The following NMNAT2 variants were observed in gnomAD, a reference collection of about 807,000 sequenced individuals.
The protein encoded by NMNAT2 is nicotinamide nucleotide adenylyltransferase 2.
A neutral mutation model predicts 41.6 loss-of-function variants in NMNAT2; 11 were observed. That is an observed-to-expected ratio of 0.26 (90% CI 0.17 to 0.44). NMNAT2 has a LOEUF of 0.44. Among genes scored for constraint, NMNAT2 ranks in the 20% least tolerant of loss-of-function variants. The pLI, the probability that NMNAT2 is intolerant of heterozygous loss-of-function variation, is 1.00. For synonymous variants in NMNAT2, 148 were observed against 151.2 expected, an observed-to-expected ratio of 0.98 and a Z score of 0.16; for missense variants, 288 against 407.7, an observed-to-expected ratio of 0.71 and a Z score of 2.53.
At chr1:183,286,252 T>TATC (rs980171415) in intron 5 of NMNAT2, among the ~76,000 whole-genome samples, 4 of 151,374 alleles carry the variant, frequency 2.6e-5, no homozygotes, top group African/African-American at 9.7e-5. Flanking sequence ...TTGTTATTGT[T>TATC]ATTATTATTA....
chr1:183,394,858 G>A (rs181144308), intron 1 of NMNAT2, among the ~76,000 whole-genome samples: 5 of 152,340 alleles, frequency 3.3e-5, no homozygotes, highest in Admixed American at 2.6e-4. Context: ...AAAGAGAGGA[G>A]CAAACTGTCC....
rs149641219 is a variant in NMNAT2, at chr1:183,392,000, A to G, written c.85+26183T>C. 3.4e-3 allele frequency among the ~76,000 whole-genome samples: 514 copies of G among 151,612 alleles called. 4 individuals carry two copies. The highest frequency in any genetic ancestry group is 0.012 in the African/African-American group (491 of 41,276). Reference sequence around the variant, plus strand: ...CCTTGACCTCTTCTCCAATGCATTCACTCCCTTGGTATTCTCAGCCAGTCC... The same window carrying G: ...CCTTGACCTCTTCTCCAATGCATTCGCTCCCTTGGTATTCTCAGCCAGTCC... On this transcript the variant is annotated intron_variant, in intron 1 of 10. Transcript: ENST00000287713.
intron 1 of NMNAT2, among the ~76,000 whole-genome samples, chr1:183,356,615 T>C (rs1475814508): frequency 6.6e-6 from 1 of 152,214 alleles, no homozygotes; most frequent in Non-Finnish European, 1.5e-5. Flanking sequence ...AGTAACGTCA[T>C]GCCAGGGACA....
intron 1 of NMNAT2, among the ~76,000 whole-genome samples, chr1:183,389,838 A>G (rs531685365): frequency 4.3e-5 from 3 of 70,370 alleles, no homozygotes; most frequent in African/African-American, 1.3e-4. Flanking sequence ...GAAAGAAAGA[A>G]AGAAAGGAAA....
At position 183,335,699 on chromosome 1, in the gene NMNAT2, T is replaced by C. The variant is rs558771228; in HGVS notation, c.86-41906A>G. ...TGTGCTGCCACATTGCGCATACTCCTTTTTGCAGTTATCCCTGTGTACTTC... is the reference window on the plus strand; with the variant it reads ...TGTGCTGCCACATTGCGCATACTCCCTTTTGCAGTTATCCCTGTGTACTTC... On this transcript the variant is annotated intron_variant, in intron 1 of 10. Coordinates refer to ENST00000287713, the MANE Select transcript of NMNAT2 (RefSeq NM_015039.4). 5.2e-5 allele frequency among the ~76,000 whole-genome samples: 8 copies of C among 152,382 alleles called. No individual in the cohort carries two copies. The East Asian group carries it at 1.5e-3, about 29-fold the overall frequency.
intron 1 of NMNAT2, among the ~76,000 whole-genome samples, chr1:183,352,309 A>G (rs772203494): frequency 1.3e-5 from 2 of 152,166 alleles, no homozygotes; most frequent in Non-Finnish European, 2.9e-5. Flanking sequence ...CACACCCATA[A>G]TCCCAGCACT....
At position 183,338,595 on chromosome 1, in the gene NMNAT2, T is replaced by C. The variant is rs76226114; in HGVS notation, c.86-44802A>G. Among the ~76,000 whole-genome samples, 174 of 152,340 alleles carry C rather than the reference T, an allele frequency of 1.1e-3. 2 individuals carry two copies. The East Asian group carries it at 0.027, about 24-fold the overall frequency. On this transcript the variant is annotated intron_variant, in intron 1 of 10. Transcript: ENST00000287713. The stretch of plus-strand genomic sequence containing the variant: ...GTTTGAGAAACTGTTTTGTCGACTT[T>C]ACATTAATGCGTATTATTACTGTTG...
chr1:183,353,341 C>T (rs1313543260), intron 1 of NMNAT2, among the ~76,000 whole-genome samples: 1 of 152,134 alleles, frequency 6.6e-6, no homozygotes, highest in Non-Finnish European at 1.5e-5. Context: ...GAGACTAGGG[C>T]AAAGGTTCTC....
chr1:183,331,972 AG>A (rs772053040), intron 1 of NMNAT2, among the ~76,000 whole-genome samples: 64 of 152,198 alleles, frequency 4.2e-4, no homozygotes, highest in Non-Finnish European at 8.4e-4. Context: ...TTGCAGAGAC[AG>A]GGTTTCACCA....
chr1:183,365,502 A>G (rs779329884), intron 1 of NMNAT2, among the ~76,000 whole-genome samples: 3 of 152,134 alleles, frequency 2.0e-5, no homozygotes, highest in Non-Finnish European at 4.4e-5. Context: ...CATGCCTGTA[A>G]TCTCAGCACT....
chr1:183,255,132 G>A (rs1287064439), intron 10 of NMNAT2, among the ~76,000 whole-genome samples: 1 of 152,160 alleles, frequency 6.6e-6, no homozygotes, highest in African/African-American at 2.4e-5. Flanking sequence ...TCTTTTGCCT[G>A]TAGAAATCCA....
chr1:183,357,323 G>T (rs189322836), intron 1 of NMNAT2, among the ~76,000 whole-genome samples: 4 of 143,638 alleles, frequency 2.8e-5, no homozygotes, highest in African/African-American at 1.0e-4. Context: ...TCCGCCTCCC[G>T]GGTTCACACC....
chr1:183,335,058 C>T (rs597546), intron 1 of NMNAT2, among the ~76,000 whole-genome samples: 108,557 of 152,146 alleles, frequency 0.71, 38,881 homozygotes, highest in East Asian at 0.9. Flanking sequence ...CAATTAATAA[C>T]AATTGTCAAG....
intron 8 of NMNAT2, among the ~76,000 whole-genome samples, chr1:183,277,884 A>G (rs1314106063): frequency 1.3e-5 from 2 of 152,224 alleles, no homozygotes; most frequent in Non-Finnish European, 2.9e-5. Context: ...TTCAATGTGC[A>G]TAGAGCTATG....
At chr1:183,415,028 G>A (rs1020060840) in intron 1 of NMNAT2, among the ~76,000 whole-genome samples, 1 of 152,106 alleles carries the variant, frequency 6.6e-6, no homozygotes, top group African/African-American at 2.4e-5. Flanking sequence ...CTAGAATAGA[G>A]TGCAGTGTGC....
At chr1:183,374,409 A>G (rs763143893) in intron 1 of NMNAT2, among the ~76,000 whole-genome samples, 1 of 152,028 alleles carries the variant, frequency 6.6e-6, no homozygotes, top group Non-Finnish European at 1.5e-5. Context: ...TTCTCTCCCC[A>G]CTTATGGGGG....
intron 7 of NMNAT2, chr1:183,283,278 C>A (rs1018160320): frequency 6.6e-6 from 1 of 152,400 alleles, no homozygotes; most frequent in African/African-American, 2.4e-5. Flanking sequence ...ATGTCACTGA[C>A]CCTTCTTGTC....
intron 1 of NMNAT2, among the ~76,000 whole-genome samples, chr1:183,392,186 A>G (rs185002839): frequency 1.8e-4 from 27 of 152,218 alleles, no homozygotes; most frequent in Non-Finnish European, 3.2e-4. Flanking sequence ...AGCTCCTGAC[A>G]TTTCCTCCCA....
In NMNAT2 at chr1:183,248,988, T is replaced by C. The variant is rs202214947; in HGVS notation, c.*3653A>G. 5 of 151,482 alleles carry C rather than the reference T, an allele frequency of 3.3e-5. No individual in the cohort carries two copies. Among genetic ancestry groups the C allele is most frequent in the Non-Finnish European group, 7.4e-5 (5 of 67,912 alleles). 9.4% of individuals were successfully genotyped at this position (151,482 alleles called of 1,614,324 possible). On this transcript the variant is annotated 3_prime_UTR_variant, in exon 11 of 11. Transcript: ENST00000287713. ...AAGTACAAGTTTTTTCTCCCTGTAA[T>C]TCTCTGCCTTTTGCTGTAGTTCAGT... is the stretch of plus-strand genomic sequence containing the variant.
Sources: allele counts gnomAD v4.1 joint callset (sites outside exome capture counted in the v4.1 genomes callset), GRCh38; gene constraint gnomAD v4.1.1; transcripts MANE v1.5; gene names NCBI Gene and HGNC (gene_info 2026-07-23, HGNC 2026-07-21).